OSBP2: variants seen among roughly 807,000 people sequenced by gnomAD.
The protein encoded by OSBP2 is oxysterol binding protein 2, also known as oxysterol-binding protein 2.
OSBP2 carries 66 observed loss-of-function variants against 96.0 expected under a neutral mutation model. That is an observed-to-expected ratio of 0.69 (90% CI 0.56 to 0.84). The LOEUF (loss-of-function observed/expected upper bound fraction) is 0.84, where lower values mean the gene tolerates loss of function less well. Ranked by LOEUF, OSBP2 falls within the 40% of genes least tolerant of loss-of-function variation. OSBP2 has a pLI of 0.00. For missense variants in OSBP2, 1,038 were observed against 1,222.7 expected (o/e 0.85, Z 2.25); for synonymous variants, 525 against 520.9 (o/e 1.01, Z -0.11).
intron 1 of OSBP2, among the ~76,000 whole-genome samples, chr22:30,722,846 G>A (rs1270383469): frequency 7.7e-6 from 1 of 129,432 alleles, no homozygotes; most frequent in African/African-American, 3.0e-5. Context: ...GTGCAGTGGC[G>A]TGATCACAGT....
At chr22:30,807,488 C>T (rs377618317) in intron 2 of OSBP2, among the ~76,000 whole-genome samples, 20 of 152,324 alleles carry the variant, frequency 1.3e-4, no homozygotes, top group East Asian at 7.7e-4. Context: ...CACTGCTTTC[C>T]TGCTGACCCT....
intron 2 of OSBP2, among the ~76,000 whole-genome samples, chr22:30,755,567 T>C (rs2090130351): frequency 6.6e-6 from 1 of 152,176 alleles, no homozygotes; most frequent in Non-Finnish European, 1.5e-5. Context: ...CGGGAAGCTT[T>C]GTCTTATTTC....
At chr22:30,746,650 C>T (rs1002773630) in intron 2 of OSBP2, among the ~76,000 whole-genome samples, 3 of 151,856 alleles carry the variant, frequency 2.0e-5, no homozygotes, top group Non-Finnish European at 2.9e-5. Flanking sequence ...CCACCACACC[C>T]GGCTAATTTT....
intron 2 of OSBP2, among the ~76,000 whole-genome samples, chr22:30,862,784 C>T (rs911807190): frequency 2.0e-5 from 3 of 151,752 alleles, no homozygotes; most frequent in Admixed American, 6.6e-5. Flanking sequence ...CCAGCCTGGC[C>T]AACATAGTGA....
chr22:30,853,374 C>T (rs1009487802), intron 2 of OSBP2, among the ~76,000 whole-genome samples: 1 of 152,170 alleles, frequency 6.6e-6, no homozygotes, highest in Non-Finnish European at 1.5e-5. Flanking sequence ...ATCTTTATCT[C>T]TGTCCAAAAG....
chr22:30,827,924 A>G lies in OSBP2; in HGVS notation c.854-42505A>G, dbSNP rs139496305. Among the ~76,000 whole-genome samples, 14 of 152,364 alleles carry G rather than the reference A, an allele frequency of 9.2e-5. 1 individual carries two copies. In the East Asian group the frequency reaches 2.7e-3, roughly 29 times the overall value. On this transcript the variant is annotated intron_variant, in intron 2 of 13. Transcript: ENST00000332585. ...TCAAGGAAGAGAGATGACTTTTTCA[A>G]GATCACACAGGCAGGAGTGGGGCCA...
intron 2 of OSBP2, among the ~76,000 whole-genome samples, chr22:30,749,916 G>A (rs893711096): frequency 3.9e-5 from 6 of 151,982 alleles, no homozygotes; most frequent in Admixed American, 6.6e-5. Flanking sequence ...CCACAGACTC[G>A]TTTCTAGTGG....
chr22:30,720,647 C>T (rs1474699907), intron 1 of OSBP2, among the ~76,000 whole-genome samples: 1 of 152,206 alleles, frequency 6.6e-6, no homozygotes, highest in Admixed American at 6.5e-5. Context: ...TATCTGTCAA[C>T]AGCCCTGCTT....
At chr22:30,727,160 C>G (rs1456099122) in intron 1 of OSBP2, among the ~76,000 whole-genome samples, 20 of 152,208 alleles carry the variant, frequency 1.3e-4, no homozygotes, top group Non-Finnish European at 5.9e-5. Flanking sequence ...CCATGTGAGA[C>G]ATTGCTAAGG....
intron 2 of OSBP2, among the ~76,000 whole-genome samples, chr22:30,756,039 C>G (rs956871452): frequency 1.3e-5 from 2 of 152,200 alleles, no homozygotes; most frequent in African/African-American, 2.4e-5. Flanking sequence ...CCTCTGCCCC[C>G]ACATGGTCAC....
At chr22:30,856,806 A>G (rs1285136639) in intron 2 of OSBP2, among the ~76,000 whole-genome samples, 1 of 152,088 alleles carries the variant, frequency 6.6e-6, no homozygotes, top group African/African-American at 2.4e-5. Flanking sequence ...ATGAATTTAT[A>G]GTAAGAAATG....
At chr22:30,869,439 C>G (rs1272422479) in intron 2 of OSBP2, among the ~76,000 whole-genome samples, 1 of 152,258 alleles carries the variant, frequency 6.6e-6, no homozygotes, top group East Asian at 1.9e-4. Flanking sequence ...GGCTGTGTTC[C>G]TGCAGGGAGA....
chr22:30,868,209 G>A (rs1018703281), intron 2 of OSBP2, among the ~76,000 whole-genome samples: 7 of 152,274 alleles, frequency 4.6e-5, no homozygotes, highest in Non-Finnish European at 1.0e-4. Flanking sequence ...CCAGAGAAAG[G>A]GAGGCTTGTG....
chr22:30,895,725 G>A (rs1248037666), intron 12 of OSBP2, among the ~76,000 whole-genome samples: 2 of 151,972 alleles, frequency 1.3e-5, no homozygotes, highest in Non-Finnish European at 2.9e-5. Context: ...GATCACTTGA[G>A]GTTAGGAGTT....
chr22:30,889,677 G>A (rs2039900061), intron 7 of OSBP2, 41 bp downstream of exon 7: 1 of 1,607,508 alleles, frequency 6.2e-7, no homozygotes, highest in Non-Finnish European at 8.5e-7. Flanking sequence ...GGTCCTCTGG[G>A]GCTGCTTTCC....
At chr22:30,710,406 A>G (rs1412344062) in intron 1 of OSBP2, among the ~76,000 whole-genome samples, 4 of 152,130 alleles carry the variant, frequency 2.6e-5, no homozygotes, top group Non-Finnish European at 5.9e-5. Flanking sequence ...CATAGATATC[A>G]GCATGTTTGA....
At chr22:30,873,377 G>GT (rs1159254407) in intron 3 of OSBP2, among the ~76,000 whole-genome samples, 1 of 152,128 alleles carries the variant, frequency 6.6e-6, no homozygotes, top group Non-Finnish European at 1.5e-5. Flanking sequence ...AAAGATCTCC[G>GT]TGAGTCCCTG....
In OSBP2 at chr22:30,868,527, A is replaced by G. The variant is rs564177922; in HGVS notation, c.854-1902A>G. On this transcript the variant is annotated intron_variant, in intron 2 of 13. Coordinates refer to ENST00000332585, the MANE Select transcript of OSBP2 (RefSeq NM_030758.4). ...CCATCCCCAGGCAATAGATGAGGAAATTGAGGCTCTGAGAGGTGAAGCCAT... is the reference window on the plus strand; with the variant it reads ...CCATCCCCAGGCAATAGATGAGGAAGTTGAGGCTCTGAGAGGTGAAGCCAT... 1.3e-4 allele frequency among the ~76,000 whole-genome samples: 20 copies of G among 152,344 alleles called. No homozygotes were observed. In the South Asian group the frequency reaches 4.1e-3, roughly 32 times the overall value.
At chr22:30,801,988 A>AATGG (rs1250165262) in intron 2 of OSBP2, among the ~76,000 whole-genome samples, 1 of 152,018 alleles carries the variant, frequency 6.6e-6, no homozygotes, top group African/African-American at 2.4e-5. Context: ...ACATAAATAG[A>AATGG]ATGAATGAAT....
Sources: gnomAD v4.1 joint callset for allele counts (sites outside exome capture counted in the v4.1 genomes callset) on GRCh38, gnomAD v4.1.1 for gene constraint, MANE v1.5 for transcripts, NCBI Gene and HGNC (gene_info 2026-07-23, HGNC 2026-07-21) for gene names.